Variants in FOXN1 observed in about 807,000 individuals in gnomAD.
FOXN1 encodes forkhead box protein N1.
A neutral mutation model predicts 49.0 loss-of-function variants in FOXN1; 15 were observed. The ratio of observed to expected loss-of-function variants is 0.31; its 90% CI spans 0.20 to 0.47. FOXN1 has a LOEUF of 0.47. Among genes scored for constraint, FOXN1 ranks in the 20% least tolerant of loss-of-function variants. FOXN1 has a pLI of 1.00. For missense variants in FOXN1, 800 were observed against 842.8 expected (o/e 0.95, Z 0.63); for synonymous variants, 356 against 369.0 (o/e 0.96, Z 0.40).
chr17:28,524,571 C>A lies in FOXN1; in HGVS notation c.192C>A (p.Pro64=). The change falls in exon 3 of 9, where the codon CCC becomes CCA. Residue 64 remains proline, a synonymous_variant. Transcript: ENST00000579795. Reference sequence around the variant, plus strand: ...CTCCAGAGAGGACACCCTCACTGCCCCCACACAGCCCCCGCATTGCGTCAC... The same window carrying A: ...CTCCAGAGAGGACACCCTCACTGCCACCACACAGCCCCCGCATTGCGTCAC... The part of the protein sequence containing the change: ...DGPPERTPSL[P]PHSPRIASPG... The A allele has an allele frequency of 6.2e-7, 1 of 1,613,654 alleles. No homozygotes were observed. The highest frequency in any genetic ancestry group is 8.5e-7 in the Non-Finnish European group (1 of 1,179,978).
intron 1 of FOXN1, among the ~76,000 whole-genome samples, chr17:28,510,545 C>G (rs1277135600): frequency 6.7e-6 from 1 of 148,666 alleles, no homozygotes; most frequent in East Asian, 2.0e-4. Context: ...ATAGAATGTA[C>G]ATGAGGAAGG....
chr17:28,524,563 T>A lies in FOXN1; in HGVS notation c.184T>A (p.Ser62Thr), dbSNP rs2069719217. 2 of 1,613,668 alleles carry A rather than the reference T, an allele frequency of 1.2e-6. No homozygotes were observed. The highest frequency in any genetic ancestry group is 1.7e-6 in the Non-Finnish European group (2 of 1,180,000). Reference sequence around the variant, plus strand: ...CGACGGCCCTCCAGAGAGGACACCCTCACTGCCCCCACACAGCCCCCGCAT... The same window carrying A: ...CGACGGCCCTCCAGAGAGGACACCCACACTGCCCCCACACAGCCCCCGCAT... Reference protein sequence around the residue: ...VSDGPPERTPSLPPHSPRIAS... With the variant: ...VSDGPPERTPTLPPHSPRIAS... The change falls in exon 3 of 9, where the codon TCA becomes ACA. Residue 62 changes from serine to threonine, a missense_variant. By Grantham distance (58) the Ser-to-Thr change is moderately conservative. Transcript: ENST00000579795.
intron 1 of FOXN1, among the ~76,000 whole-genome samples, chr17:28,514,836 C>G (rs973922970): frequency 6.6e-6 from 1 of 152,056 alleles, no homozygotes; most frequent in Non-Finnish European, 1.5e-5. Flanking sequence ...GATTCAGTTG[C>G]CCACAGGGGA....
At position 28,508,607 on chromosome 17, in the gene FOXN1, G is replaced by A. The variant is rs570836297; in HGVS notation, c.-15+2164G>A. Among the ~76,000 whole-genome samples, 126 of 152,276 alleles carry A rather than the reference G, an allele frequency of 8.3e-4. 1 individual carries two copies. Among genetic ancestry groups the A allele is most frequent in the African/African-American group, 2.9e-3 (122 of 41,552 alleles). ...TTCATGGACCAGCAGAACCCCCATT[G>A]CCTGCACAGGGCCCAGGCACATAGG... On this transcript the variant is annotated intron_variant, in intron 1 of 8. Coordinates refer to ENST00000579795, the MANE Select transcript of FOXN1 (RefSeq NM_001369369.1).
chr17:28,508,395 A>C (rs1029315241), intron 1 of FOXN1, among the ~76,000 whole-genome samples: 1 of 152,128 alleles, frequency 6.6e-6, no homozygotes, highest in South Asian at 2.1e-4. Flanking sequence ...GGTGACATGC[A>C]CCTTCTGTCA....
At chr17:28,536,918 G>C (rs1412838206) in intron 8 of FOXN1, among the ~76,000 whole-genome samples, 199 bp from the exon 9 acceptor site, 1 of 151,634 alleles carries the variant, frequency 6.6e-6, no homozygotes, top group Non-Finnish European at 1.5e-5. Flanking sequence ...CTTTCAGATT[G>C]TGCTACACGG....
At chr17:28,523,826 C>G (rs965268778) in intron 1 of FOXN1, 130 bp from the exon 2 acceptor site, 3 of 706,714 alleles carry the variant, frequency 4.2e-6, no homozygotes, top group African/African-American at 1.9e-5. Context: ...CTCTCTCTCT[C>G]TCTCTCATCA....
Position 28,530,929 on chromosome 17 carries a change from G to A in FOXN1, c.927+84G>A, listed in dbSNP as rs563537259. On this transcript the variant is annotated intron_variant, in intron 6 of 8. Coordinates refer to ENST00000579795, the MANE Select transcript of FOXN1 (RefSeq NM_001369369.1). ...TCTGAGCAGAGGCTTCTGTCTGGAG[G>A]TGGGAGAAGAATTAGAACGAAAGCC... 1.2e-4 allele frequency: 103 copies of A among 826,312 alleles called. No individual in the cohort carries two copies. In the Admixed American group the frequency reaches 1.4e-3, roughly 12 times the overall value. 51.2% of individuals were successfully genotyped at this position (826,312 alleles called of 1,614,324 possible).
chr17:28,530,762 A>T lies in FOXN1; in HGVS notation c.844A>T (p.Met282Leu), dbSNP rs1007949432. The change falls in exon 6 of 9, where the codon ATG (methionine) becomes TTG (leucine). Residue 282 changes from methionine (M) to leucine (L), a missense_variant. Met to Leu is a conservative substitution (Grantham distance 15). Around this residue, in one of 3 missense-constraint regions of FOXN1, gnomAD observed 73 missense variants for 118.9 expected, o/e 0.61. Transcript: ENST00000579795. ...CTCTTTCTTCAGCATCCTCATCTTC[A>T]TGGCCCTTAAGAACAGTAAAACTGG... ...PIYSYSILIF[M>L]ALKNSKTGSL... The T allele has an allele frequency of 1.2e-6, 2 of 1,601,594 alleles. No individual in the cohort carries two copies. The highest frequency in any genetic ancestry group is 3.3e-5 in the Admixed American group (2 of 59,996).
Position 28,537,502 on chromosome 17 carries a change from C to A in FOXN1, c.*66C>A. 3.1e-6 allele frequency: 4 copies of A among 1,280,994 alleles called. No homozygotes were observed. Among genetic ancestry groups the A allele is most frequent in the South Asian group, 1.2e-5 (1 of 83,464 alleles). The allele number at this position is 1,280,994 out of a possible 1,614,324, so 79.4% of individuals were successfully genotyped here. A position where few individuals can be genotyped will look rare whatever the true frequency, so the allele number is the denominator to read the frequency against. ...GGAAGTCCTGGCCGGCCGCCCACATCGGGCTCACCTTAAAGGTCAAGGAAG... is the reference window on the plus strand; with the variant it reads ...GGAAGTCCTGGCCGGCCGCCCACATAGGGCTCACCTTAAAGGTCAAGGAAG... On this transcript the variant is annotated 3_prime_UTR_variant, in exon 9 of 9. Coordinates refer to ENST00000579795, the MANE Select transcript of FOXN1 (RefSeq NM_001369369.1).
intron 1 of FOXN1, among the ~76,000 whole-genome samples, chr17:28,515,916 G>A (rs1292103567): frequency 7.0e-6 from 1 of 142,802 alleles, no homozygotes; most frequent in Non-Finnish European, 1.5e-5. Flanking sequence ...ACCTTCACAG[G>A]GTACACATTT....
In FOXN1 at chr17:28,537,473, G is replaced by A; in HGVS notation, c.*37G>A. On this transcript the variant is annotated 3_prime_UTR_variant, in exon 9 of 9. Transcript: ENST00000579795. ...CTTCGTCAGCTCCAGCGTTTGCCTG[G>A]TCTGGAAGTCCTGGCCGGCCGCCCA... The A allele has an allele frequency of 6.5e-7, 1 of 1,537,882 alleles. No individual in the cohort carries two copies. Among genetic ancestry groups the A allele is most frequent in the Non-Finnish European group, 9.0e-7 (1 of 1,111,698 alleles).
At position 28,522,965 on chromosome 17, in the gene FOXN1, CACA is replaced by C. The variant is rs542722521; in HGVS notation, c.-14-987_-14-985del. On this transcript the variant is annotated intron_variant, in intron 1 of 8. Coordinates refer to ENST00000579795, the MANE Select transcript of FOXN1 (RefSeq NM_001369369.1). ...TCTGCGCATGATTTTGTTTGACACT[CACA>C]ACATCTGTGTGAGGTGGGGCCTGTC... is the stretch of plus-strand genomic sequence containing the variant. 1.8e-3 allele frequency among the ~76,000 whole-genome samples: 275 copies of C among 152,342 alleles called. 1 individual carries two copies. The highest frequency in any genetic ancestry group is 6.3e-3 in the African/African-American group (263 of 41,572).
chr17:28,514,992 T>C (rs1343467070), intron 1 of FOXN1, among the ~76,000 whole-genome samples: 1 of 152,128 alleles, frequency 6.6e-6, no homozygotes, highest in African/African-American at 2.4e-5. Context: ...GTTGGAATCC[T>C]GGGGAGCATA....
At position 28,527,354 on chromosome 17, in the gene FOXN1, T is replaced by G; in HGVS notation, c.692T>G (p.Phe231Cys). 5.0e-6 allele frequency: 8 copies of G among 1,605,564 alleles called. No homozygotes were observed. Among genetic ancestry groups the G allele is most frequent in the Non-Finnish European group, 6.8e-6 (8 of 1,172,788 alleles). ...ATGTACTGCTCCTCCCAGCCCCCCT[T>G]CCACCAGGTGGGTCTGGGGCAAGTG... is the stretch of plus-strand genomic sequence containing the variant. ...QHMYCSSQPP[F>C]HQYSPGGGSY... The change falls in exon 4 of 9, where the codon TTC (phenylalanine) becomes TGC (cysteine). Residue 231 changes from phenylalanine (F) to cysteine (C), a missense_variant. Physicochemically the swap from Phe to Cys is radical, Grantham distance 205 (BLOSUM62 -2). This residue lies in a region of FOXN1 where 383 missense variants were observed against 357.9 expected (regional missense o/e 1.07). Coordinates refer to ENST00000579795, the MANE Select transcript of FOXN1 (RefSeq NM_001369369.1).
chr17:28,513,766 G>A (rs2069439891), intron 1 of FOXN1, among the ~76,000 whole-genome samples: 2 of 152,376 alleles, frequency 1.3e-5, no homozygotes, highest in Admixed American at 6.5e-5. Context: ...TGGTGGCCAT[G>A]ACCCAGAGCC....
At chr17:28,517,550 G>A (rs1458869636) in intron 1 of FOXN1, among the ~76,000 whole-genome samples, 1 of 77,554 alleles carries the variant, frequency 1.3e-5, no homozygotes, top group African/African-American at 5.4e-5. Flanking sequence ...GTACATGCCT[G>A]CACAGGGTAC....
intron 1 of FOXN1, among the ~76,000 whole-genome samples, chr17:28,508,654 A>G (rs7406279): frequency 6.6e-5 from 10 of 151,998 alleles, no homozygotes; most frequent in Admixed American, 5.2e-4. Context: ...CTAAGTCACA[A>G]TGAAATGCCC....
intron 1 of FOXN1, among the ~76,000 whole-genome samples, chr17:28,507,045 T>C (rs1253174603): frequency 1.3e-5 from 2 of 152,110 alleles, no homozygotes; most frequent in East Asian, 3.9e-4. Context: ...TGGCCATGAG[T>C]TGATGCTGGG....
Sources: allele counts gnomAD v4.1 joint callset (sites outside exome capture counted in the v4.1 genomes callset), GRCh38; gene constraint gnomAD v4.1.1; regional missense constraint gnomAD v4.1.1; transcripts MANE v1.5; gene names NCBI Gene and HGNC (gene_info 2026-07-23, HGNC 2026-07-21).